The following KLRG1 variants were observed in gnomAD, a reference collection of about 807,000 sequenced individuals.
KLRG1 encodes killer cell lectin like receptor G1, also known as killer cell lectin-like receptor subfamily G member 1.
Under a neutral mutation model 21.8 loss-of-function variants are expected in KLRG1, and 16 were observed. The ratio of observed to expected loss-of-function variants is 0.73; its 90% CI spans 0.50 to 1.11. The LOEUF is 1.11. Among genes scored for constraint, KLRG1 ranks in the 50% most tolerant of loss-of-function variants. The pLI, the probability that KLRG1 is intolerant of heterozygous loss-of-function variation, is 0.00. For missense variants in KLRG1, 173 were observed against 218.3 expected, an observed-to-expected ratio of 0.79 and a Z score of 1.31; for synonymous variants, 69 against 75.9, an observed-to-expected ratio of 0.91 and a Z score of 0.47.
the KLRG1 span, chr12:9,193,990 C>T: frequency 2.4e-6 from 3 of 1,259,028 alleles, no homozygotes; most frequent in Admixed American, 4.5e-5. Flanking sequence ...ATTTCTTACT[C>T]TTAAATGCAA....
the KLRG1 span, among the ~76,000 whole-genome samples, chr12:9,024,168 C>T: frequency 6.6e-6 from 1 of 151,594 alleles, no homozygotes; most frequent in Admixed American, 6.6e-5. Flanking sequence ...GCTGGGATCA[C>T]AGGTGTGCAC....
chr12:9,046,671 A>T, the KLRG1 span, among the ~76,000 whole-genome samples: 112 of 152,338 alleles, frequency 7.4e-4, 1 homozygote, highest in Non-Finnish European at 1.4e-3. Context: ...TATTCTTTAA[A>T]AATGAAAGAA....
In KLRG1 at chr12:8,978,605, T is replaced by C. The variant is rs112795932; in HGVS notation, c.-155-13601T>C. On this transcript the variant is annotated intron_variant, in intron 1 of 4. Coordinates refer to the KLRG1 transcript ENST00000539240. The stretch of plus-strand genomic sequence containing the variant: ...TAGGCTGAGAAACCTACTGATAGTC[T>C]TACATGTGACAGTCTTTCTTTTTCT... Among the ~76,000 whole-genome samples, 779 of 152,276 alleles carry C rather than the reference T, an allele frequency of 5.1e-3. 4 individuals are homozygous for C. The highest frequency in any genetic ancestry group is 9.9e-3 in the Admixed American group (152 of 15,294).
the KLRG1 span, chr12:9,169,735 T>G: frequency 4.1e-6 from 3 of 725,168 alleles, no homozygotes; most frequent in Middle Eastern, 3.5e-4. Flanking sequence ...TTGAAGATTT[T>G]CCTTATATTT....
At position 8,989,684 on chromosome 12, in the gene KLRG1, C is replaced by A. The variant is rs780337706; in HGVS notation, c.49C>A (p.Gln17Lys). 2 of 1,610,302 alleles carry A rather than the reference C, an allele frequency of 1.2e-6. No individual in the cohort carries two copies. Among genetic ancestry groups the A allele is most frequent in the South Asian group, 1.1e-5 (1 of 90,776 alleles). The change falls in exon 1 of 5, where the codon CAA (glutamine) becomes AAA (lysine). Residue 17 changes from glutamine (Q) to lysine (K), a missense_variant. Around this residue, in one of 3 missense-constraint regions of KLRG1, gnomAD observed 144 missense variants for 161.5 expected, o/e 0.89. Coordinates refer to ENST00000356986, the MANE Select transcript of KLRG1 (RefSeq NM_005810.4). ...YSMLELPTAT[Q>K]AQNDYGPQQK... ...CATGTTAGAGTTGCCTACGGCAACC[C>A]AAGCCCAGAATGACTATGGACCACA...
intron 1 of KLRG1, among the ~76,000 whole-genome samples, chr12:8,974,982 GC>G (rs1946634716): frequency 6.6e-6 from 1 of 151,542 alleles, no homozygotes; most frequent in South Asian, 2.1e-4. Context: ...TGCAACCTCT[GC>G]CTCCCAGATT....
chr12:9,101,684 T>G, the KLRG1 span: 1 of 1,573,690 alleles, frequency 6.4e-7, no homozygotes, highest in Middle Eastern at 1.7e-4. Flanking sequence ...CCTAATGAAT[T>G]AGAAAAATTA....
the KLRG1 span, among the ~76,000 whole-genome samples, chr12:9,097,157 T>C: frequency 0.56 from 84,914 of 151,990 alleles, 25,285 homozygotes; most frequent in African/African-American, 0.76. Flanking sequence ...GTATAAAACA[T>C]GTATATTATT....
At chr12:9,171,068 G>A in the KLRG1 span, among the ~76,000 whole-genome samples, 1 of 152,174 alleles carries the variant, frequency 6.6e-6, no homozygotes, top group Non-Finnish European at 1.5e-5. Context: ...CCCAATGAGG[G>A]TCTCCAGCCA....
the KLRG1 span, chr12:9,196,788 T>A: frequency 1.0e-6 from 1 of 976,658 alleles, no homozygotes; most frequent in Non-Finnish European, 1.6e-6. Flanking sequence ...TTTTTTGCAT[T>A]AAGTAAGTTA....
chr12:9,165,086 C>T, the KLRG1 span: 119 of 1,565,020 alleles, frequency 7.6e-5, no homozygotes, highest in East Asian at 1.3e-3. Flanking sequence ...GCTGACTGAT[C>T]AAAGGAATCT....
intron 1 of KLRG1, among the ~76,000 whole-genome samples, chr12:8,982,383 T>C (rs1946768582): frequency 1.3e-5 from 2 of 152,202 alleles, no homozygotes; most frequent in South Asian, 2.1e-4. Flanking sequence ...TCCTTGACTT[T>C]CCCAGAAGGA....
At chr12:9,044,357 A>T in the KLRG1 span, among the ~76,000 whole-genome samples, 1 of 152,114 alleles carries the variant, frequency 6.6e-6, no homozygotes. Context: ...AAAAATAAGA[A>T]TTTTTACTCA....
At chr12:9,076,679 T>C in the KLRG1 span, 3 of 1,370,882 alleles carry the variant, frequency 2.2e-6, no homozygotes, top group African/African-American at 2.9e-5. Flanking sequence ...TCACAGGAGG[T>C]AGGAGTGAGG....
the KLRG1 span, chr12:9,202,751 A>G: frequency 1.4e-6 from 2 of 1,456,024 alleles, no homozygotes; most frequent in Non-Finnish European, 1.9e-6. Flanking sequence ...TTCTTCAGTC[A>G]TTGCTATTTC....
At chr12:9,062,576 A>G in the KLRG1 span, among the ~76,000 whole-genome samples, 1 of 134,908 alleles carries the variant, frequency 7.4e-6, no homozygotes, top group African/African-American at 2.5e-5. Flanking sequence ...TATTATACAT[A>G]TACATTTATA....
the KLRG1 span, among the ~76,000 whole-genome samples, chr12:9,209,797 T>C: frequency 6.6e-6 from 1 of 152,150 alleles, no homozygotes. Context: ...AATTTTGTGT[T>C]TTGTATTTTA....
At chr12:9,038,384 T>C in the KLRG1 span, among the ~76,000 whole-genome samples, 1 of 152,218 alleles carries the variant, frequency 6.6e-6, no homozygotes, top group Non-Finnish European at 1.5e-5. Context: ...AATTCATGTT[T>C]ATCAGGGAAG....
chr12:9,203,054 G>A, the KLRG1 span, among the ~76,000 whole-genome samples: 1 of 152,144 alleles, frequency 6.6e-6, no homozygotes, highest in Admixed American at 6.5e-5. Flanking sequence ...TGTTTGCTTA[G>A]GGTATCCTGC....
Sources: allele counts gnomAD v4.1 joint callset (sites outside exome capture counted in the v4.1 genomes callset), GRCh38; gene constraint gnomAD v4.1.1; regional missense constraint gnomAD v4.1.1; transcripts MANE v1.5; gene names NCBI Gene and HGNC (gene_info 2026-07-23, HGNC 2026-07-21).